RXFP2: variants seen among roughly 807,000 people sequenced by gnomAD.
The protein encoded by RXFP2 is relaxin family peptide receptor 2.
Under a neutral mutation model 88.6 loss-of-function variants are expected in RXFP2, and 68 were observed. The observed-to-expected ratio is 0.77, with a 90% CI of 0.63 to 0.94. The LOEUF is 0.94. Ranked by LOEUF, RXFP2 falls within the 40% of genes least tolerant of loss-of-function variation. The pLI is 0.00. For synonymous variants in RXFP2, 329 were observed against 306.8 expected, an observed-to-expected ratio of 1.07 and a Z score of -0.76; for missense variants, 791 against 893.9, an observed-to-expected ratio of 0.88 and a Z score of 1.47.
At chr13:31,799,983 G>A (rs952765102) in intron 17 of RXFP2, among the ~76,000 whole-genome samples, 6 of 152,268 alleles carry the variant, frequency 3.9e-5, no homozygotes, top group Non-Finnish European at 5.9e-5. Flanking sequence ...TAGAAGAGTA[G>A]AACATTGTCT....
At chr13:31,799,243 G>A (rs896382220) in intron 17 of RXFP2, among the ~76,000 whole-genome samples, 10 of 149,976 alleles carry the variant, frequency 6.7e-5, no homozygotes, top group Admixed American at 1.3e-4. Context: ...ATGGAGTCTC[G>A]CTCTGTTGCC....
Position 31,791,985 on chromosome 13 carries a change from T to C in RXFP2, c.1325T>C (p.Phe442Ser). Residue 442 changes from phenylalanine (F) to serine (S), a missense_variant, in exon 15 of 18, where the codon TTC (phenylalanine) becomes TCC (serine). Coordinates refer to ENST00000298386, the MANE Select transcript of RXFP2 (RefSeq NM_130806.5). Reference protein sequence around the residue: ...GNLFVIGMRSFIKAENTTHAM... With the variant: ...GNLFVIGMRSSIKAENTTHAM... ...CTTTTTGTCATTGGCATGAGATCTT[T>C]CATTAAAGCTGAAAATACAACTCAC... The C allele has an allele frequency of 6.2e-7, 1 of 1,614,168 alleles. No individual in the cohort carries two copies. The highest frequency in any genetic ancestry group is 8.5e-7 in the Non-Finnish European group (1 of 1,179,998).
At chr13:31,801,175 G>C (rs1402424251) in intron 17 of RXFP2, among the ~76,000 whole-genome samples, 3 of 152,132 alleles carry the variant, frequency 2.0e-5, no homozygotes, top group Non-Finnish European at 4.4e-5. Flanking sequence ...GGAGAGCAGA[G>C]GATGATGAGA....
chr13:31,801,821 T>A (rs1874360382), intron 17 of RXFP2, among the ~76,000 whole-genome samples: 1 of 151,336 alleles, frequency 6.6e-6, no homozygotes. Flanking sequence ...TTTCTTTATT[T>A]TTTTATTTTC....
intron 5 of RXFP2, among the ~76,000 whole-genome samples, chr13:31,771,271 G>A (rs1431601182): frequency 1.3e-5 from 2 of 152,172 alleles, no homozygotes; most frequent in Non-Finnish European, 2.9e-5. Context: ...CCAGTCTGTG[G>A]CATGTTAGGA....
intron 1 of RXFP2, among the ~76,000 whole-genome samples, chr13:31,742,197 A>G (rs1276272667): frequency 6.6e-6 from 1 of 152,218 alleles, no homozygotes; most frequent in East Asian, 1.9e-4. Context: ...CTACTTGGCA[A>G]CTACCAATTG....
At chr13:31,756,327 A>C (rs974709199) in intron 1 of RXFP2, among the ~76,000 whole-genome samples, 1 of 152,178 alleles carries the variant, frequency 6.6e-6, no homozygotes. Context: ...TTATTTGGGG[A>C]TATTAACGCC....
intron 1 of RXFP2, among the ~76,000 whole-genome samples, chr13:31,757,235 G>C (rs1272788898): frequency 6.6e-6 from 1 of 152,162 alleles, no homozygotes; most frequent in Non-Finnish European, 1.5e-5. Context: ...TGAATTGATT[G>C]ATAGTCTCAT....
At chr13:31,774,513 T>A in intron 5 of RXFP2, 107 bp from the exon 6 acceptor site, 1 of 752,132 alleles carries the variant, frequency 1.3e-6, no homozygotes, top group South Asian at 1.4e-5. Context: ...GACTTCGTAC[T>A]TCAATTTCAC....
intron 7 of RXFP2, among the ~76,000 whole-genome samples, chr13:31,776,532 T>G (rs1872993469): frequency 6.6e-6 from 1 of 152,086 alleles, no homozygotes; most frequent in Non-Finnish European, 1.5e-5. Context: ...GTGTTAAGAT[T>G]ACAGGCAAGA....
At chr13:31,787,398 A>G (rs1873591917) in intron 13 of RXFP2, among the ~76,000 whole-genome samples, 1 of 152,236 alleles carries the variant, frequency 6.6e-6, no homozygotes, top group Non-Finnish European at 1.5e-5. Flanking sequence ...GATGAAAAAG[A>G]TCTGGTCCCT....
At chr13:31,760,255 A>AT (rs919792969) in intron 2 of RXFP2, among the ~76,000 whole-genome samples, 7 of 151,606 alleles carry the variant, frequency 4.6e-5, no homozygotes, top group Admixed American at 3.9e-4. Context: ...TGCCCAGCTA[A>AT]TTTTTTTGTA....
In RXFP2 at chr13:31,744,386, G is replaced by A. The variant is rs934151960; in HGVS notation, c.94+4680G>A. ...GCTATAGAAAAATGTTCATGTGTTT[G>A]CTTAGGGAACTTTGCCCCAGGTCAG... On this transcript the variant is annotated intron_variant, in intron 1 of 17. Transcript: ENST00000298386. Among the ~76,000 whole-genome samples the A allele has an allele frequency of 4.6e-5, 7 of 152,172 alleles. No homozygotes were observed. The East Asian group carries it at 1.3e-3, about 29-fold the overall frequency.
At chr13:31,800,414 T>C (rs1363054428) in intron 17 of RXFP2, among the ~76,000 whole-genome samples, 1 of 151,906 alleles carries the variant, frequency 6.6e-6, no homozygotes, top group Non-Finnish European at 1.5e-5. Context: ...ACTGAAAATA[T>C]ATAAAAAATT....
intron 5 of RXFP2, among the ~76,000 whole-genome samples, chr13:31,766,757 T>C (rs1242219514): frequency 2.6e-5 from 4 of 152,204 alleles, no homozygotes; most frequent in African/African-American, 9.6e-5. Flanking sequence ...TTAAAGTATT[T>C]GAAAAGTTGC....
At chr13:31,795,301 C>A (rs1873977363) in intron 16 of RXFP2, among the ~76,000 whole-genome samples, 1 of 152,012 alleles carries the variant, frequency 6.6e-6, no homozygotes, top group African/African-American at 2.4e-5. Flanking sequence ...AGGTGCCCAC[C>A]ACCATGCCCC....
chr13:31,797,451 A>T (rs1173685236), intron 17 of RXFP2, 32 bp downstream of exon 17: 1 of 1,501,316 alleles, frequency 6.7e-7, no homozygotes, highest in Non-Finnish European at 9.3e-7. Flanking sequence ...CAAGTATAAT[A>T]CATCGTGCCT....
chr13:31,788,212 A>G (rs1453815817), intron 13 of RXFP2, among the ~76,000 whole-genome samples: 1 of 152,168 alleles, frequency 6.6e-6, no homozygotes, highest in Non-Finnish European at 1.5e-5. Flanking sequence ...GCAATTACTC[A>G]GTAGTATAAC....
Position 31,793,105 on chromosome 13 carries a change from C to A in RXFP2, c.1786+17C>A. On this transcript the variant is annotated intron_variant, in intron 16 of 17. Transcript: ENST00000298386. Reference sequence around the variant, plus strand: ...TTTTCCTAGGTAAATTATATTTTTTCATTTCCTGGAAAAACATAATTTTGC... The same window carrying A: ...TTTTCCTAGGTAAATTATATTTTTTAATTTCCTGGAAAAACATAATTTTGC... The A allele has an allele frequency of 1.3e-6, 2 of 1,591,424 alleles. No individual in the cohort carries two copies. The highest frequency in any genetic ancestry group is 1.7e-6 in the Non-Finnish European group (2 of 1,161,870).
Sources: allele counts gnomAD v4.1 joint callset (sites outside exome capture counted in the v4.1 genomes callset), GRCh38; gene constraint gnomAD v4.1.1; transcripts MANE v1.5; gene names NCBI Gene and HGNC (gene_info 2026-07-23, HGNC 2026-07-21).